CAMK1D: variants seen among roughly 807,000 people sequenced by gnomAD.
CAMK1D encodes the protein calcium/calmodulin dependent protein kinase ID.
CAMK1D carries 9 observed loss-of-function variants against 47.7 expected under a neutral mutation model. The observed-to-expected ratio is 0.19, with a 90% CI of 0.11 to 0.33. The LOEUF (loss-of-function observed/expected upper bound fraction) is 0.33. CAMK1D is among the 10% of genes least tolerant of loss of function. CAMK1D has a pLI of 1.00. For missense variants in CAMK1D, 291 were observed against 488.7 expected, an observed-to-expected ratio of 0.60 and a Z score of 3.81; for synonymous variants, 184 against 184.9, an observed-to-expected ratio of 0.99 and a Z score of 0.04.
At chr10:12,822,598 C>G (rs1349806350) in intron 8 of CAMK1D, among the ~76,000 whole-genome samples, 1 of 152,234 alleles carries the variant, frequency 6.6e-6, no homozygotes, top group Non-Finnish European at 1.5e-5. Flanking sequence ...GAGCCTGGCT[C>G]TGCCCTGCAG....
intron 10 of CAMK1D, 143 bp from the exon 11 acceptor site, chr10:12,828,626 G>A: frequency 1.6e-6 from 1 of 644,396 alleles, no homozygotes; most frequent in Admixed American, 2.9e-5. Flanking sequence ...GGTGAAAAGA[G>A]TGAAACTCCA....
chr10:12,835,503 T>C lies in CAMK1D; in HGVS notation c.*6616T>C, dbSNP rs1369605917. ...TCTATCATAATGATAATGAGATTGA[T>C]GACTTCCTGTTTTCCTCCAATAAAG... On this transcript the variant is annotated 3_prime_UTR_variant, in exon 11 of 11. Transcript: ENST00000619168. 1 of 152,248 alleles carries C rather than the reference T, an allele frequency of 6.6e-6. No homozygotes were observed. Among genetic ancestry groups the C allele is most frequent in the East Asian group, 1.9e-4 (1 of 5,198 alleles). The allele number at this position is 152,248 out of a possible 1,614,324, so 9.4% of individuals were successfully genotyped here. A position where few individuals can be genotyped will look rare whatever the true frequency, so the allele number is the denominator to read the frequency against.
chr10:12,355,104 A>G (rs1321294649), intron 1 of CAMK1D, among the ~76,000 whole-genome samples: 2 of 152,016 alleles, frequency 1.3e-5, no homozygotes, highest in East Asian at 1.9e-4. Flanking sequence ...TGGGCTCCCA[A>G]AGTGCTGGGA....
At chr10:12,470,187 T>G (rs1252171512) in intron 1 of CAMK1D, among the ~76,000 whole-genome samples, 1 of 152,228 alleles carries the variant, frequency 6.6e-6, no homozygotes, top group Non-Finnish European at 1.5e-5. Context: ...TCTATAATGC[T>G]TTTGAAAACT....
chr10:12,759,241 C>T lies in CAMK1D; in HGVS notation c.300-1707C>T, dbSNP rs545356722. On this transcript the variant is annotated intron_variant, in intron 3 of 10. Coordinates refer to ENST00000619168, the MANE Select transcript of CAMK1D (RefSeq NM_153498.4). Reference sequence around the variant, plus strand: ...GCACGTACCTGTGGTCCCAGCTACTCAGGAAGCTGATGTAGGGTGGGAGGA... The same window carrying T: ...GCACGTACCTGTGGTCCCAGCTACTTAGGAAGCTGATGTAGGGTGGGAGGA... Among the ~76,000 whole-genome samples, 62 of 152,258 alleles carry T rather than the reference C, an allele frequency of 4.1e-4. 1 individual carries two copies. The highest frequency in any genetic ancestry group is 1.4e-3 in the African/African-American group (59 of 41,558).
intron 1 of CAMK1D, among the ~76,000 whole-genome samples, chr10:12,440,616 G>A (rs1172162784): frequency 6.6e-6 from 1 of 152,196 alleles, no homozygotes; most frequent in Non-Finnish European, 1.5e-5. Context: ...TTAATTTGGT[G>A]TGACGGAAGT....
chr10:12,734,687 C>A (rs1234518057), intron 3 of CAMK1D, among the ~76,000 whole-genome samples: 2 of 151,856 alleles, frequency 1.3e-5, no homozygotes, highest in Admixed American at 1.3e-4. Context: ...CAGACAACTT[C>A]ATGGCCTGGC....
chr10:12,691,119 C>G (rs970447824), intron 3 of CAMK1D, among the ~76,000 whole-genome samples: 1 of 151,958 alleles, frequency 6.6e-6, no homozygotes, highest in African/African-American at 2.4e-5. Flanking sequence ...AAGAGGGTAT[C>G]TGGAAACTTG....
chr10:12,522,201 C>CT (rs746434997), intron 1 of CAMK1D, among the ~76,000 whole-genome samples: 164 of 38,856 alleles, frequency 4.2e-3, no homozygotes, highest in South Asian at 0.015. Flanking sequence ...CTTTTTTTTT[C>CT]TTTTTTTTTT....
At chr10:12,478,305 A>C (rs972042095) in intron 1 of CAMK1D, among the ~76,000 whole-genome samples, 1 of 145,644 alleles carries the variant, frequency 6.9e-6, no homozygotes, top group African/African-American at 2.6e-5. Flanking sequence ...ACTGCACCCA[A>C]CCTGTACTTA....
intron 3 of CAMK1D, among the ~76,000 whole-genome samples, chr10:12,685,249 C>A (rs1487266063): frequency 6.6e-6 from 1 of 152,148 alleles, no homozygotes; most frequent in Non-Finnish European, 1.5e-5. Flanking sequence ...TGCAGTGAGC[C>A]GAGATCATGC....
At chr10:12,672,256 G>A (rs1286836244) in intron 3 of CAMK1D, among the ~76,000 whole-genome samples, 2 of 151,904 alleles carry the variant, frequency 1.3e-5, no homozygotes, top group African/African-American at 4.8e-5. Flanking sequence ...AATAAGGAAA[G>A]TTTTAGTGGG....
At chr10:12,666,333 G>A (rs2132552168) in intron 2 of CAMK1D, among the ~76,000 whole-genome samples, 1 of 152,266 alleles carries the variant, frequency 6.6e-6, no homozygotes, top group South Asian at 2.1e-4. Flanking sequence ...CTGTCATGGG[G>A]GATAGATTTT....
chr10:12,564,032 C>G (rs1285384369), intron 2 of CAMK1D, among the ~76,000 whole-genome samples: 1 of 151,770 alleles, frequency 6.6e-6, no homozygotes, highest in East Asian at 1.9e-4. Context: ...ATGATTTATA[C>G]AGATTCCAGT....
intron 1 of CAMK1D, among the ~76,000 whole-genome samples, chr10:12,541,254 A>G (rs1126368): frequency 0.11 from 17,505 of 152,250 alleles, 1,222 homozygotes; most frequent in East Asian, 0.28. Context: ...TGAAGATTCT[A>G]TCAGAAGGAG....
chr10:12,379,073 G>A (rs575162655), intron 1 of CAMK1D, among the ~76,000 whole-genome samples: 1 of 152,270 alleles, frequency 6.6e-6, no homozygotes, highest in South Asian at 2.1e-4. Flanking sequence ...GCCTCCCAAA[G>A]TGTTGGGATT....
intron 1 of CAMK1D, among the ~76,000 whole-genome samples, chr10:12,450,889 G>A (rs1045013381): frequency 2.0e-5 from 3 of 152,156 alleles, no homozygotes; most frequent in South Asian, 2.1e-4. Flanking sequence ...ACTGCCTGGC[G>A]GCTATCAGGT....
chr10:12,693,488 C>CA (rs1027225817), intron 3 of CAMK1D, among the ~76,000 whole-genome samples: 24 of 151,390 alleles, frequency 1.6e-4, no homozygotes, highest in African/African-American at 4.9e-4. Flanking sequence ...ACCAAGCAAA[C>CA]AAAAAAAAGC....
chr10:12,762,280 A>G (rs1411923481), intron 4 of CAMK1D, among the ~76,000 whole-genome samples: 1 of 152,248 alleles, frequency 6.6e-6, no homozygotes, highest in East Asian at 1.9e-4. Flanking sequence ...CACGAGGATC[A>G]TATCATCTTG....
Sources: allele counts gnomAD v4.1 joint callset (sites outside exome capture counted in the v4.1 genomes callset), GRCh38; gene constraint gnomAD v4.1.1; transcripts MANE v1.5; gene names NCBI Gene and HGNC (gene_info 2026-07-23, HGNC 2026-07-21).